The following CSMD1 variants were observed in gnomAD, a reference collection of about 807,000 sequenced individuals.
The protein encoded by CSMD1 is CUB and sushi domain-containing protein 1.
Under a neutral mutation model 417.5 loss-of-function variants are expected in CSMD1, and 213 were observed. The observed-to-expected ratio is 0.51, with a 90% CI of 0.46 to 0.57. CSMD1 has a LOEUF of 0.57. Ranked by LOEUF, CSMD1 falls within the 20% of genes least tolerant of loss-of-function variation. The pLI, the probability that CSMD1 is intolerant of heterozygous loss-of-function variation, is 0.00. For synonymous variants in CSMD1, 2,862 were observed against 1,736.8 expected (o/e 1.65, Z -16.11); for missense variants, 6,923 against 4,529.7 (o/e 1.53, Z -15.17).
intron 3 of CSMD1, among the ~76,000 whole-genome samples, chr8:4,066,024 A>T (rs950799480): frequency 2.0e-5 from 3 of 152,216 alleles, no homozygotes; most frequent in African/African-American, 7.2e-5. Flanking sequence ...CCTTGGAGGA[A>T]GTCAGAAGGA....
At chr8:4,659,962 A>G (rs1804484290) in intron 1 of CSMD1, among the ~76,000 whole-genome samples, 1 of 152,060 alleles carries the variant, frequency 6.6e-6, no homozygotes, top group Admixed American at 6.6e-5. Flanking sequence ...AGGAATGAAG[A>G]AGAATTTCCT....
intron 6 of CSMD1, among the ~76,000 whole-genome samples, chr8:3,713,719 A>T (rs567292529): frequency 1.3e-3 from 199 of 152,374 alleles, no homozygotes; most frequent in African/African-American, 4.6e-3. Context: ...CTTTCAAACA[A>T]ATGTAACGTA....
At chr8:3,904,934 G>A (rs1257699904) in intron 5 of CSMD1, among the ~76,000 whole-genome samples, 2 of 152,060 alleles carry the variant, frequency 1.3e-5, no homozygotes, top group African/African-American at 4.8e-5. Context: ...ACTGCACCCA[G>A]CCCCAAAATA....
At chr8:3,692,549 C>A (rs534730015) in intron 7 of CSMD1, among the ~76,000 whole-genome samples, 1 of 152,256 alleles carries the variant, frequency 6.6e-6, no homozygotes, top group South Asian at 2.1e-4. Flanking sequence ...TCTCTCCTGC[C>A]TCAGCCTCCC....
chr8:3,902,277 C>A (rs1466635416), intron 5 of CSMD1, among the ~76,000 whole-genome samples: 3 of 152,074 alleles, frequency 2.0e-5, no homozygotes, highest in Non-Finnish European at 4.4e-5. Flanking sequence ...TAAGTCATGC[C>A]CTCACCCATT....
At chr8:4,180,658 C>G (rs2131174148) in intron 3 of CSMD1, among the ~76,000 whole-genome samples, 1 of 152,196 alleles carries the variant, frequency 6.6e-6, no homozygotes. Context: ...TAATCCTGCC[C>G]TGCCAGCACT....
intron 5 of CSMD1, among the ~76,000 whole-genome samples, chr8:3,911,338 C>A (rs1262668772): frequency 5.3e-5 from 8 of 151,208 alleles, no homozygotes; most frequent in Non-Finnish European, 1.2e-4. Context: ...TATATCCTAG[C>A]TAACACACTG....
chr8:4,393,345 T>C (rs1265694289), intron 3 of CSMD1, among the ~76,000 whole-genome samples: 1 of 152,126 alleles, frequency 6.6e-6, no homozygotes, highest in Non-Finnish European at 1.5e-5. Context: ...AGCAGAAAAA[T>C]CATTTTCTAA....
chr8:3,185,694 A>T (rs777139876), intron 36 of CSMD1, among the ~76,000 whole-genome samples: 29 of 152,250 alleles, frequency 1.9e-4, no homozygotes, highest in Non-Finnish European at 2.5e-4. Flanking sequence ...TGTGAATGAT[A>T]AGATTTGATC....
At chr8:4,048,601 C>T (rs888010469) in intron 3 of CSMD1, among the ~76,000 whole-genome samples, 1 of 152,200 alleles carries the variant, frequency 6.6e-6, no homozygotes, top group Admixed American at 6.5e-5. Context: ...TGTATACAAA[C>T]AGCACACACC....
chr8:3,965,428 G>T (rs1812615905), intron 5 of CSMD1, among the ~76,000 whole-genome samples: 1 of 152,058 alleles, frequency 6.6e-6, no homozygotes, highest in Admixed American at 6.5e-5. Context: ...ATGGCCTTCG[G>T]AAAAAGGGTA....
chr8:4,956,907 A>G (rs930591814), intron 1 of CSMD1, among the ~76,000 whole-genome samples: 15 of 152,180 alleles, frequency 9.9e-5, no homozygotes, highest in African/African-American at 3.6e-4. Flanking sequence ...AGGCGCTCTC[A>G]TTTTTGTCCA....
At chr8:4,957,374 T>C (rs4295679) in intron 1 of CSMD1, among the ~76,000 whole-genome samples, 43,007 of 152,066 alleles carry the variant, frequency 0.28, 6,834 homozygotes, top group East Asian at 0.4. Context: ...AAAAATTATG[T>C]TCAAAAAGCA....
intron 26 of CSMD1, among the ~76,000 whole-genome samples, chr8:3,248,332 G>A (rs528564444): frequency 2.0e-5 from 3 of 152,110 alleles, no homozygotes; most frequent in East Asian, 1.9e-4. Flanking sequence ...GTGATGAACA[G>A]CACCCATGTT....
At position 4,281,598 on chromosome 8, in the gene CSMD1, A is replaced by C. The variant is rs137933663; in HGVS notation, c.415+138355T>G. On this transcript the variant is annotated intron_variant, in intron 3 of 69. Coordinates refer to ENST00000635120, the MANE Select transcript of CSMD1 (RefSeq NM_033225.6). Reference sequence around the variant, plus strand: ...TTTCTGTTTTTTGAATCTAAGAAGTATGTATAGCCAAAAGTTAAAGCTTTT... The same window carrying C: ...TTTCTGTTTTTTGAATCTAAGAAGTCTGTATAGCCAAAAGTTAAAGCTTTT... 5.3e-5 allele frequency among the ~76,000 whole-genome samples: 8 copies of C among 152,324 alleles called. No homozygotes were observed. In the East Asian group the frequency reaches 1.4e-3, roughly 26 times the overall value.
At chr8:3,858,403 G>T (rs555317518) in intron 5 of CSMD1, among the ~76,000 whole-genome samples, 1 of 152,086 alleles carries the variant, frequency 6.6e-6, no homozygotes, top group East Asian at 1.9e-4. Context: ...ATTCTATGCT[G>T]TTTCTTACCT....
intron 40 of CSMD1, among the ~76,000 whole-genome samples, chr8:3,148,649 T>C (rs879551537): frequency 6.6e-6 from 1 of 152,232 alleles, no homozygotes; most frequent in East Asian, 1.9e-4. Context: ...TTTTTCACTA[T>C]AAAACAATGT....
chr8:3,485,498 AGTGAAATT>A (rs1286588248), intron 11 of CSMD1, among the ~76,000 whole-genome samples: 1 of 149,858 alleles, frequency 6.7e-6, no homozygotes, highest in Non-Finnish European at 1.5e-5. Context: ...TTAAACAGGT[AGTGAAATT>A]GTATAGAACT....
intron 16 of CSMD1, among the ~76,000 whole-genome samples, chr8:3,397,435 T>G (rs971814931): frequency 6.6e-6 from 1 of 152,144 alleles, no homozygotes; most frequent in African/African-American, 2.4e-5. Context: ...TTAGTGCAAA[T>G]GCACATGATT....
Sources: gnomAD v4.1 joint callset for allele counts (sites outside exome capture counted in the v4.1 genomes callset) on GRCh38, gnomAD v4.1.1 for gene constraint, MANE v1.5 for transcripts, NCBI Gene and HGNC (gene_info 2026-07-23, HGNC 2026-07-21) for gene names.